The following PALM2AKAP2 variants were observed in gnomAD, a reference collection of about 807,000 sequenced individuals.
The protein encoded by PALM2AKAP2 is PALM2 and AKAP2 fusion.
PALM2AKAP2 carries 37 observed loss-of-function variants against 71.5 expected under a neutral mutation model. The observed-to-expected ratio is 0.52, with a 90% CI of 0.40 to 0.68. The LOEUF is 0.68. PALM2AKAP2 is among the 30% of genes least tolerant of loss of function. The pLI, the probability that PALM2AKAP2 is intolerant of heterozygous loss-of-function variation, is 0.00. For synonymous variants in PALM2AKAP2, 468 were observed against 478.8 expected (o/e 0.98, Z 0.29); for missense variants, 1,224 against 1,191.8 (o/e 1.03, Z -0.40).
At chr9:109,767,252 T>C (rs1211306440) in intron 1 of PALM2AKAP2, among the ~76,000 whole-genome samples, 1 of 152,140 alleles carries the variant, frequency 6.6e-6, no homozygotes, top group Non-Finnish European at 1.5e-5. Flanking sequence ...TACTGCTCCC[T>C]CCAACCCCAG....
At chr9:109,743,495 C>A (rs1326589640) in intron 1 of PALM2AKAP2, among the ~76,000 whole-genome samples, 1 of 152,138 alleles carries the variant, frequency 6.6e-6, no homozygotes, top group African/African-American at 2.4e-5. Flanking sequence ...ATGAAGCCAA[C>A]CCCATACCAT....
At chr9:109,898,752 C>T (rs150655109) in intron 3 of PALM2AKAP2, among the ~76,000 whole-genome samples, 4 of 152,310 alleles carry the variant, frequency 2.6e-5, no homozygotes, top group African/African-American at 9.6e-5. Context: ...CTCTCCCTTC[C>T]TCCTCCCCCA....
At chr9:109,989,980 A>G (rs1164276973) in intron 6 of PALM2AKAP2, among the ~76,000 whole-genome samples, 1 of 152,198 alleles carries the variant, frequency 6.6e-6, no homozygotes, top group Non-Finnish European at 1.5e-5. Flanking sequence ...TCTTATATCC[A>G]GAATGGAAAT....
chr9:110,095,139 C>T (rs1282653711), intron 1 of PALM2AKAP2, among the ~76,000 whole-genome samples: 2 of 152,166 alleles, frequency 1.3e-5, no homozygotes, highest in Admixed American at 6.6e-5. Context: ...CCCTTTTTGA[C>T]GGCTGGGCTT....
chr9:110,136,079 T>C (rs754541048), intron 1 of PALM2AKAP2, 48 bp from the exon 8 acceptor site: 99 of 1,516,096 alleles, frequency 6.5e-5, no homozygotes, highest in Non-Finnish European at 8.3e-5. Flanking sequence ...TTCACATCCA[T>C]AAGAGATGCA....
At chr9:110,104,006 C>T (rs900719725) in intron 1 of PALM2AKAP2, among the ~76,000 whole-genome samples, 7 of 152,250 alleles carry the variant, frequency 4.6e-5, no homozygotes, top group Non-Finnish European at 1.0e-4. Context: ...GTGTCAGCCA[C>T]ATCTTCTTTA....
At chr9:110,011,014 A>AAATATATATATAT (rs35212981) in intron 6 of PALM2AKAP2, among the ~76,000 whole-genome samples, 1 of 69,588 alleles carries the variant, frequency 1.4e-5, no homozygotes, top group Admixed American at 2.1e-4. Flanking sequence ...AAAAAAAAAA[A>AAATATATATATAT]ATATATATAT....
intron 1 of PALM2AKAP2, among the ~76,000 whole-genome samples, chr9:109,767,433 C>T (rs980253764): frequency 1.3e-5 from 2 of 152,220 alleles, no homozygotes; most frequent in East Asian, 1.9e-4. Context: ...GCCCCATCTA[C>T]CCCTACCACA....
chr9:110,040,751 TGC>T (rs1833497806), intron 7 of PALM2AKAP2, among the ~76,000 whole-genome samples: 1 of 152,232 alleles, frequency 6.6e-6, no homozygotes, highest in South Asian at 2.1e-4. Context: ...AAAATACATT[TGC>T]ATCTAAAACA....
chr9:109,798,209 G>C (rs1235630614), intron 1 of PALM2AKAP2, among the ~76,000 whole-genome samples: 1 of 152,142 alleles, frequency 6.6e-6, no homozygotes, highest in Non-Finnish European at 1.5e-5. Flanking sequence ...TGTTGGAATA[G>C]GGCCTACCCT....
In PALM2AKAP2 at chr9:109,650,947, T is replaced by C. The variant is rs554136167; in HGVS notation, c.5+10081T>C. ...CTCTCTCAATTCTTAGGAATGTGTATGGCAAAAAAAGAGTTCATGAATGAG... is the reference window on the plus strand; with the variant it reads ...CTCTCTCAATTCTTAGGAATGTGTACGGCAAAAAAAGAGTTCATGAATGAG... On this transcript the variant is annotated intron_variant, in intron 1 of 6. Coordinates refer to the PALM2AKAP2 transcript ENST00000374531. Among the ~76,000 whole-genome samples the C allele has an allele frequency of 7.2e-5, 11 of 152,346 alleles. 1 individual carries two copies. The highest frequency in any genetic ancestry group is 2.6e-4 in the African/African-American group (11 of 41,582).
At chr9:110,044,694 AC>A (rs1388431465), upstream of PALM2AKAP2, among the ~76,000 whole-genome samples, 1 of 149,074 alleles carries the variant, frequency 6.7e-6, no homozygotes, top group Non-Finnish European at 1.5e-5. Context: ...TTTTCAGCCA[AC>A]TTTTATTTTC....
intron 1 of PALM2AKAP2, among the ~76,000 whole-genome samples, chr9:109,859,101 G>A (rs1829245871): frequency 6.6e-6 from 1 of 152,110 alleles, no homozygotes; most frequent in South Asian, 2.1e-4. Flanking sequence ...AAATTCTATG[G>A]GATGTTTCTT....
chr9:109,798,333 A>G (rs75556048), intron 1 of PALM2AKAP2, among the ~76,000 whole-genome samples: 1,700 of 152,296 alleles, frequency 0.011, 15 homozygotes, highest in Middle Eastern at 0.051. Flanking sequence ...ATGCTGTCAG[A>G]TGATACCTGC....
intron 3 of PALM2AKAP2, among the ~76,000 whole-genome samples, chr9:109,911,169 A>G (rs1830559966): frequency 6.6e-6 from 1 of 152,162 alleles, no homozygotes; most frequent in Non-Finnish European, 1.5e-5. Flanking sequence ...TCTTCCTAGA[A>G]AAAAGGGACA....
At chr9:110,048,060 G>A (rs1833631570), upstream of PALM2AKAP2, among the ~76,000 whole-genome samples, 1 of 152,200 alleles carries the variant, frequency 6.6e-6, no homozygotes. Context: ...GAGCCAGTGA[G>A]CTGGAAGCAT....
At chr9:109,890,513 C>T (rs1472308201) in intron 3 of PALM2AKAP2, among the ~76,000 whole-genome samples, 1 of 152,218 alleles carries the variant, frequency 6.6e-6, no homozygotes. Context: ...AAAAAACACT[C>T]ATCTTCCTTC....
chr9:109,764,157 C>T (rs977377623), intron 1 of PALM2AKAP2, among the ~76,000 whole-genome samples: 1 of 152,112 alleles, frequency 6.6e-6, no homozygotes, highest in Non-Finnish European at 1.5e-5. Context: ...CACAGCAACC[C>T]ATTCTCAGTA....
chr9:110,125,778 CT>C (rs35534895), intron 1 of PALM2AKAP2, among the ~76,000 whole-genome samples: 40,849 of 141,990 alleles, frequency 0.29, 5,756 homozygotes, highest in East Asian at 0.65. Context: ...TTCTCTCTCT[CT>C]TTTTTTTTTT....
Sources: gnomAD v4.1 joint callset for allele counts (sites outside exome capture counted in the v4.1 genomes callset) on GRCh38, gnomAD v4.1.1 for gene constraint, MANE v1.5 for transcripts, NCBI Gene and HGNC (gene_info 2026-07-23, HGNC 2026-07-21) for gene names.